Variants in ZC3H18 observed in about 807,000 individuals in gnomAD.
The protein encoded by ZC3H18 is zinc finger CCCH-type containing 18.
In ZC3H18, 8 loss-of-function variants were observed where a neutral mutation model predicts 106.1. The observed-to-expected ratio is 0.08, with a 90% CI of 0.04 to 0.14. The LOEUF (loss-of-function observed/expected upper bound fraction) is 0.14. Among genes scored for constraint, ZC3H18 ranks in the 10% least tolerant of loss-of-function variants. The probability of loss-of-function intolerance (pLI) is 1.00; values close to 1 mark genes in which losing one functional copy is unlikely to be tolerated. For missense variants in ZC3H18, 1,318 were observed against 1,278.4 expected, an observed-to-expected ratio of 1.03 and a Z score of -0.47; for synonymous variants, 635 against 522.1, an observed-to-expected ratio of 1.22 and a Z score of -2.95.
In ZC3H18 at chr16:88,587,404, T is replaced by A. The variant is rs1429247662; in HGVS notation, c.688+720T>A. On this transcript the variant is annotated intron_variant, in intron 3 of 17. Transcript: ENST00000301011. Reference sequence around the variant, plus strand: ...AGTAGTTTTGGCATATTTCTTGTAATTCAGCGTTCCCCTTGGAAAGGTAGG... The same window carrying A: ...AGTAGTTTTGGCATATTTCTTGTAAATCAGCGTTCCCCTTGGAAAGGTAGG... 28 of 680,112 alleles carry A rather than the reference T, an allele frequency of 4.1e-5. No homozygotes were observed. The East Asian group carries it at 7.6e-4, about 18-fold the overall frequency. 42.1% of individuals were successfully genotyped at this position (680,112 alleles called of 1,614,324 possible). A position where few individuals can be genotyped will look rare whatever the true frequency, so the allele number is the denominator to read the frequency against.
chr16:88,577,867 T>C, intron 2 of ZC3H18, 141 bp downstream of exon 2: 4 of 1,479,058 alleles, frequency 2.7e-6, no homozygotes, highest in Non-Finnish European at 3.6e-6. Context: ...GAGGCTTGTT[T>C]TGGGTTCAGT....
At position 88,631,458 on chromosome 16, in the gene ZC3H18, A is replaced by C; in HGVS notation, c.*159A>C. ...GAAAAGAAGCCACACAGGAAATGAC[A>C]ACGACGCTGAATCCCAGCCTCCCTC... On this transcript the variant is annotated 3_prime_UTR_variant, in exon 18 of 18. Transcript: ENST00000301011. 1.0e-6 allele frequency: 1 copy of C among 983,464 alleles called. No individual in the cohort carries two copies. The highest frequency in any genetic ancestry group is 1.5e-6 in the Non-Finnish European group (1 of 664,928). The allele number at this position is 983,464 out of a possible 1,614,324, so 60.9% of individuals were successfully genotyped here.
rs1033924318 is a variant in ZC3H18, at chr16:88,611,638, C to T, written c.1475+102C>T. On this transcript the variant is annotated intron_variant, in intron 8 of 17. Coordinates refer to ENST00000301011, the MANE Select transcript of ZC3H18 (RefSeq NM_144604.4). ...CGCTTCCCCTCTGTGGCCCACAGCT[C>T]TGGAGCCCAGGGGACCAGTGCAGGC... The T allele has an allele frequency of 2.1e-5, 30 of 1,458,280 alleles. No homozygotes were observed. In the African/African-American group the frequency reaches 4.1e-4, roughly 20 times the overall value. The allele number at this position is 1,458,280 out of a possible 1,614,324, so 90.3% of individuals were successfully genotyped here.
At chr16:88,574,194 G>A (rs1386058676) in intron 1 of ZC3H18, among the ~76,000 whole-genome samples, 2 of 151,620 alleles carry the variant, frequency 1.3e-5, no homozygotes, top group African/African-American at 4.8e-5. Flanking sequence ...TTTATAAAGT[G>A]ATGAATTTTA....
chr16:88,602,326 C>T (rs1258450179), intron 6 of ZC3H18, among the ~76,000 whole-genome samples: 5 of 152,230 alleles, frequency 3.3e-5, no homozygotes, highest in Admixed American at 6.5e-5. Flanking sequence ...TGACAGGCTT[C>T]GCATCCAGTG....
chr16:88,603,885 G>C (rs1030905825), intron 6 of ZC3H18, among the ~76,000 whole-genome samples: 1 of 150,696 alleles, frequency 6.6e-6, no homozygotes, highest in African/African-American at 2.4e-5. Context: ...CACCGGCCTT[G>C]GCCTCCCAAA....
At chr16:88,597,153 C>T (rs1286185720) in intron 3 of ZC3H18, among the ~76,000 whole-genome samples, 1 of 152,178 alleles carries the variant, frequency 6.6e-6, no homozygotes, top group East Asian at 1.9e-4. Context: ...GATCTCTTGA[C>T]GTCGTGAGCC....
intron 8 of ZC3H18, among the ~76,000 whole-genome samples, chr16:88,618,028 G>T (rs1485039945): frequency 6.6e-6 from 1 of 152,238 alleles, no homozygotes; most frequent in Admixed American, 6.5e-5. Context: ...TGGAGTTAGG[G>T]ATTTTCATGT....
intron 6 of ZC3H18, 181 bp from the exon 7 acceptor site, chr16:88,608,753 C>A (rs1224019050): frequency 1.9e-6 from 1 of 516,488 alleles, no homozygotes; most frequent in Non-Finnish European, 3.6e-6. Flanking sequence ...AACCCTTTGA[C>A]TTCTGGCCTG....
chr16:88,577,077 A>G (rs183024273), intron 1 of ZC3H18, 33 bp from the exon 2 acceptor site: 22 of 1,500,572 alleles, frequency 1.5e-5, no homozygotes, highest in Non-Finnish European at 1.7e-5. Context: ...CCATTTTGCT[A>G]AAGGCTGTCA....
intron 8 of ZC3H18, among the ~76,000 whole-genome samples, chr16:88,619,328 C>A (rs1225403106): frequency 2.0e-5 from 3 of 152,226 alleles, no homozygotes; most frequent in Non-Finnish European, 1.5e-5. Flanking sequence ...AAAATCAGTA[C>A]CACCACGTCC....
At chr16:88,598,053 T>A in intron 3 of ZC3H18, 125 bp from the exon 4 acceptor site, 26 of 654,694 alleles carry the variant, frequency 4.0e-5, no homozygotes, top group East Asian at 2.9e-4. Flanking sequence ...TTCCCACTAC[T>A]GTGTGGCTCG....
Position 88,586,491 on chromosome 16 carries a change from G to C in ZC3H18, c.604-109G>C, listed in dbSNP as rs903894120. On this transcript the variant is annotated intron_variant, in intron 2 of 17. Coordinates refer to ENST00000301011, the MANE Select transcript of ZC3H18 (RefSeq NM_144604.4). The stretch of plus-strand genomic sequence containing the variant: ...GAAAATTGACGTGAATTCAATTCCT[G>C]TGACAATATCCAGGTTCCACACGCA... The C allele has an allele frequency of 4.5e-6, 4 of 882,982 alleles. No individual in the cohort carries two copies. The Admixed American group carries it at 5.9e-5, about 13-fold the overall frequency. The allele number at this position is 882,982 out of a possible 1,614,324, so 54.7% of individuals were successfully genotyped here.
chr16:88,592,732 C>T (rs1915824978), intron 3 of ZC3H18, among the ~76,000 whole-genome samples: 1 of 152,164 alleles, frequency 6.6e-6, no homozygotes, highest in South Asian at 2.1e-4. Flanking sequence ...CCGCCTTGGC[C>T]TCCCAAATCG....
intron 2 of ZC3H18, among the ~76,000 whole-genome samples, chr16:88,585,073 C>G (rs966234636): frequency 2.0e-5 from 3 of 152,178 alleles, no homozygotes; most frequent in East Asian, 1.9e-4. Flanking sequence ...AAAGAAGACA[C>G]AAACTAAAAG....
chr16:88,598,636 A>T lies in ZC3H18; in HGVS notation c.854A>T (p.Asp285Val). The change falls in exon 5 of 18, where the codon GAT becomes GTT. Residue 285 changes from aspartate to valine, a missense_variant. Coordinates refer to ENST00000301011, the MANE Select transcript of ZC3H18 (RefSeq NM_144604.4). ...PANPWGGPVVDEILPPPPPEP... is the reference protein window; with the variant it reads ...PANPWGGPVVVEILPPPPPEP... ...TTTCAATAGGGTGGGCCGGTAGTTG[A>T]TGAAATTTTGCCTCCACCCCCTCCA... is the stretch of plus-strand genomic sequence containing the variant. 1 of 1,611,296 alleles carries T rather than the reference A, an allele frequency of 6.2e-7. No homozygotes were observed. Among genetic ancestry groups the T allele is most frequent in the Non-Finnish European group, 8.5e-7 (1 of 1,178,548 alleles).
In ZC3H18 at chr16:88,608,925, C is replaced by T. The variant is rs1003991283; in HGVS notation, c.1089-9C>T. On this transcript the variant is annotated splice_polypyrimidine_tract_variant and intron_variant, in intron 6 of 17. Coordinates refer to ENST00000301011, the MANE Select transcript of ZC3H18 (RefSeq NM_144604.4). The stretch of plus-strand genomic sequence containing the variant: ...GTGATGAGAGTTCTTTTTCATTGGC[C>T]CTTTTCAGACTCGAGCCTTACGCAG... The T allele has an allele frequency of 6.2e-7, 1 of 1,605,282 alleles. No homozygotes were observed. The highest frequency in any genetic ancestry group is 8.5e-7 in the Non-Finnish European group (1 of 1,175,528).
intron 1 of ZC3H18, among the ~76,000 whole-genome samples, chr16:88,571,346 G>T (rs1004449050): frequency 6.6e-5 from 10 of 152,182 alleles, no homozygotes; most frequent in African/African-American, 2.4e-4. Flanking sequence ...AGAGTGTTTG[G>T]CATCTGAAGT....
At chr16:88,616,486 G>A (rs760729476) in intron 8 of ZC3H18, among the ~76,000 whole-genome samples, 15 of 152,164 alleles carry the variant, frequency 9.9e-5, no homozygotes, top group Non-Finnish European at 1.6e-4. Flanking sequence ...GGGAGTCCCC[G>A]GTCTTGGCTT....
Sources: allele counts gnomAD v4.1 joint callset (sites outside exome capture counted in the v4.1 genomes callset), GRCh38; gene constraint gnomAD v4.1.1; transcripts MANE v1.5; gene names NCBI Gene and HGNC (gene_info 2026-07-23, HGNC 2026-07-21).